Variants in NXPH1 observed in about 807,000 individuals in gnomAD.
The protein encoded by NXPH1 is neurexophilin 1, also known as neurexophilin-1.
In NXPH1, 5 loss-of-function variants were observed where a neutral mutation model predicts 23.7. The observed-to-expected ratio is 0.21, with a 90% CI of 0.11 to 0.44. NXPH1 has a LOEUF of 0.44. NXPH1 is among the 20% of genes least tolerant of loss of function. The pLI is 0.99. For synonymous variants in NXPH1, 144 were observed against 122.2 expected, an observed-to-expected ratio of 1.18 and a Z score of -1.18; for missense variants, 324 against 321.6, an observed-to-expected ratio of 1.01 and a Z score of -0.06.
chr7:8,728,572 C>T (rs1241991683), intron 2 of NXPH1, among the ~76,000 whole-genome samples: 1 of 152,030 alleles, frequency 6.6e-6, no homozygotes, highest in Admixed American at 6.6e-5. Context: ...TTGTCAAAGG[C>T]CTTTTCTGCA....
chr7:8,528,124 G>C (rs10236216), intron 2 of NXPH1, among the ~76,000 whole-genome samples: 53,441 of 152,118 alleles, frequency 0.35, 9,841 homozygotes, highest in Non-Finnish European at 0.39. Context: ...GGGGAGAGAG[G>C]AGTGGGGAAG....
intron 2 of NXPH1, among the ~76,000 whole-genome samples, chr7:8,487,183 G>A (rs923979297): frequency 3.3e-5 from 5 of 152,030 alleles, no homozygotes; most frequent in African/African-American, 4.8e-5. Context: ...CAGTTCACTG[G>A]TTTGTATGAT....
chr7:8,593,327 T>G (rs1415871759), intron 2 of NXPH1, among the ~76,000 whole-genome samples: 1 of 151,978 alleles, frequency 6.6e-6, no homozygotes, highest in Non-Finnish European at 1.5e-5. Flanking sequence ...ATATTTATAT[T>G]GCCCACCTAA....
intron 2 of NXPH1, among the ~76,000 whole-genome samples, chr7:8,633,003 T>G (rs1820158361): frequency 6.6e-6 from 1 of 152,248 alleles, no homozygotes; most frequent in African/African-American, 2.4e-5. Context: ...TTAATTCATG[T>G]GTTGAGAATG....
chr7:8,718,155 G>C (rs1041535652), intron 2 of NXPH1, among the ~76,000 whole-genome samples: 1 of 152,060 alleles, frequency 6.6e-6, no homozygotes, highest in Non-Finnish European at 1.5e-5. Context: ...TATTTATGCA[G>C]TTTTACTTAC....
intron 2 of NXPH1, among the ~76,000 whole-genome samples, chr7:8,686,137 A>C (rs1821142943): frequency 6.6e-6 from 1 of 152,184 alleles, no homozygotes; most frequent in Non-Finnish European, 1.5e-5. Flanking sequence ...TTAAAAAGTT[A>C]AGTATTTGAT....
At chr7:8,637,961 C>A (rs12530848) in intron 2 of NXPH1, among the ~76,000 whole-genome samples, 6,742 of 152,116 alleles carry the variant, frequency 0.044, 335 homozygotes, top group East Asian at 0.17. Context: ...AATAGGAATC[C>A]AAGTCTAGAC....
chr7:8,719,266 C>T (rs1418045075), intron 2 of NXPH1, among the ~76,000 whole-genome samples: 1 of 152,258 alleles, frequency 6.6e-6, no homozygotes, highest in East Asian at 1.9e-4. Context: ...CAGGTCATGG[C>T]CTACTTGGCC....
chr7:8,526,617 G>A (rs1817866233), intron 2 of NXPH1, among the ~76,000 whole-genome samples: 1 of 152,194 alleles, frequency 6.6e-6, no homozygotes. Context: ...GAATCATGGA[G>A]GCTGGTCTTT....
intron 2 of NXPH1, among the ~76,000 whole-genome samples, chr7:8,725,691 T>G (rs1780039866): frequency 6.6e-6 from 1 of 152,176 alleles, no homozygotes; most frequent in South Asian, 2.1e-4. Flanking sequence ...AGACTTTATT[T>G]TTTCTTAGAC....
chr7:8,655,398 CTT>C (rs1290097994), intron 2 of NXPH1, among the ~76,000 whole-genome samples: 1,264 of 10,740 alleles, frequency 0.12, 40 homozygotes, highest in East Asian at 0.5. Flanking sequence ...TTGTCTTTGT[CTT>C]TCTCTCTCTC....
chr7:8,572,730 T>G (rs1818672890), intron 2 of NXPH1, among the ~76,000 whole-genome samples: 1 of 152,040 alleles, frequency 6.6e-6, no homozygotes, highest in African/African-American at 2.4e-5. Context: ...TTTTTAAAAT[T>G]TTAAGACTTG....
intron 2 of NXPH1, among the ~76,000 whole-genome samples, chr7:8,481,532 T>A (rs1817073085): frequency 6.6e-6 from 1 of 152,144 alleles, no homozygotes; most frequent in Non-Finnish European, 1.5e-5. Context: ...GATCTTGGAT[T>A]TGTTCATAAT....
intron 2 of NXPH1, among the ~76,000 whole-genome samples, chr7:8,480,301 A>T (rs1383304990): frequency 6.6e-6 from 1 of 152,060 alleles, no homozygotes; most frequent in African/African-American, 2.4e-5. Flanking sequence ...TGGAATTTTT[A>T]TTTTCTCTCC....
intron 2 of NXPH1, among the ~76,000 whole-genome samples, chr7:8,744,276 A>G (rs1330550473): frequency 6.6e-6 from 1 of 152,210 alleles, no homozygotes; most frequent in Non-Finnish European, 1.5e-5. Context: ...TGAACTAGAG[A>G]GCCAGCTCCT....
chr7:8,458,831 G>C (rs1487974813), intron 2 of NXPH1, among the ~76,000 whole-genome samples: 2 of 152,188 alleles, frequency 1.3e-5, no homozygotes, highest in East Asian at 3.8e-4. Context: ...GTAAAACACT[G>C]CAAATTTAGT....
chr7:8,464,799 A>G (rs998972353), intron 2 of NXPH1, among the ~76,000 whole-genome samples: 3 of 152,160 alleles, frequency 2.0e-5, no homozygotes, highest in Admixed American at 6.5e-5. Flanking sequence ...CTTATCTGGA[A>G]ATGTTTTACT....
At chr7:8,696,908 CTGAGGT>C (rs1473946752) in intron 2 of NXPH1, among the ~76,000 whole-genome samples, 1 of 148,756 alleles carries the variant, frequency 6.7e-6, no homozygotes, top group African/African-American at 2.5e-5. Context: ...CTTTGGGAGG[CTGAGGT>C]GGATGGATCA....
chr7:8,585,029 T>C (rs1019178482), intron 2 of NXPH1, among the ~76,000 whole-genome samples: 2 of 152,168 alleles, frequency 1.3e-5, no homozygotes, highest in Non-Finnish European at 2.9e-5. Flanking sequence ...TTTGATTACT[T>C]TTCTATATTG....
Sources: allele counts gnomAD v4.1 joint callset (sites outside exome capture counted in the v4.1 genomes callset), GRCh38; gene constraint gnomAD v4.1.1; transcripts MANE v1.5; gene names NCBI Gene and HGNC (gene_info 2026-07-23, HGNC 2026-07-21).